Variants in VWA3B observed in about 807,000 individuals in gnomAD.
VWA3B encodes von Willebrand factor A domain-containing protein 3B.
VWA3B carries 138 observed loss-of-function variants against 158.3 expected under a neutral mutation model. The ratio of observed to expected loss-of-function variants is 0.87; its 90% CI spans 0.76 to 1.00. The LOEUF is 1.00. Ranked by LOEUF, VWA3B falls within the 50% of genes least tolerant of loss-of-function variation. The probability of loss-of-function intolerance (pLI) is 0.00; values close to 1 mark genes in which losing one functional copy is unlikely to be tolerated. For missense variants in VWA3B, 1,555 were observed against 1,565.1 expected (o/e 0.99, Z 0.11); for synonymous variants, 596 against 587.3 (o/e 1.01, Z -0.21).
intron 22 of VWA3B, among the ~76,000 whole-genome samples, chr2:98,273,570 C>T (rs1237767595): frequency 1.3e-5 from 2 of 152,202 alleles, no homozygotes; most frequent in Non-Finnish European, 2.9e-5. Context: ...TTACCTGCCT[C>T]TCCTTGAAAA....
At chr2:98,217,656 T>C (rs758393586) in intron 13 of VWA3B, among the ~76,000 whole-genome samples, 190 bp from the exon 14 acceptor site, 58 of 152,234 alleles carry the variant, frequency 3.8e-4, no homozygotes, top group Non-Finnish European at 7.3e-4. Flanking sequence ...TGTGGATCAT[T>C]GTACTCTCAC....
At chr2:98,100,166 A>G (rs1573755192) in intron 2 of VWA3B, among the ~76,000 whole-genome samples, 1 of 152,350 alleles carries the variant, frequency 6.6e-6, no homozygotes, top group Non-Finnish European at 1.5e-5. Flanking sequence ...TCTGCATTAA[A>G]GAAGCAGGTG....
chr2:98,265,969 G>A (rs1354957695), intron 21 of VWA3B, among the ~76,000 whole-genome samples: 43 of 125,188 alleles, frequency 3.4e-4, no homozygotes, highest in African/African-American at 6.8e-4. Context: ...AGTAGGTTGC[G>A]AAAATTTTCT....
chr2:98,109,228 G>T (rs1013633513), intron 2 of VWA3B, among the ~76,000 whole-genome samples: 1 of 152,098 alleles, frequency 6.6e-6, no homozygotes, highest in African/African-American at 2.4e-5. Context: ...CTGACCTCGG[G>T]TGATCTGACA....
At chr2:98,121,482 C>T (rs1674956912) in intron 5 of VWA3B, 24 bp downstream of exon 5, 2 of 1,605,430 alleles carry the variant, frequency 1.2e-6, no homozygotes, top group African/African-American at 2.7e-5. Context: ...CATGGCTGGC[C>T]CCAGGCCATG....
chr2:98,092,860 A>ATATATATATATATATATATG, intron 1 of VWA3B, among the ~76,000 whole-genome samples: 1 of 118,518 alleles, frequency 8.4e-6, no homozygotes, highest in Non-Finnish European at 1.8e-5. Context: ...ATATATATAT[A>ATATATATATATATATATATG]GTTGAATATT....
chr2:98,213,515 C>T lies in VWA3B; in HGVS notation c.1836+1487C>T, dbSNP rs1683715399. Among the ~76,000 whole-genome samples the T allele has an allele frequency of 3.3e-5, 5 of 152,140 alleles. No individual in the cohort carries two copies. The South Asian group carries it at 1.0e-3, about 32-fold the overall frequency. ...CGTGAGCCGCAGGAAGCAGCATCAA[C>T]AGGACCTCATGGCCAGTTTGGAAAC... is the stretch of plus-strand genomic sequence containing the variant. On this transcript the variant is annotated intron_variant, in intron 13 of 27. Transcript: ENST00000477737.
chr2:98,230,117 G>C lies in VWA3B; in HGVS notation c.2218G>C (p.Asp740His). 1 of 1,611,326 alleles carries C rather than the reference G, an allele frequency of 6.2e-7. No individual in the cohort carries two copies. The highest frequency in any genetic ancestry group is 8.5e-7 in the Non-Finnish European group (1 of 1,179,410). ...EKCAKPQSDVDSTQTSSLNML... is the reference protein window; with the variant it reads ...EKCAKPQSDVHSTQTSSLNML... ...GTGTGCAAAGCCTCAATCTGATGTC[G>C]ATTCAACACAAACTTCATCTCTGAA... is the stretch of plus-strand genomic sequence containing the variant. The change falls in exon 16 of 28, where the codon GAT becomes CAT. Residue 740 changes from aspartate to histidine, a missense_variant. Asp to His is a moderately conservative substitution (Grantham distance 81, BLOSUM62 -1). Transcript: ENST00000477737.
chr2:98,164,651 AT>A (rs1209258258), intron 8 of VWA3B, among the ~76,000 whole-genome samples: 2 of 152,224 alleles, frequency 1.3e-5, no homozygotes, highest in African/African-American at 4.8e-5. Context: ...TTACAAAAAA[AT>A]ATTAGCAGTG....
intron 19 of VWA3B, 24 bp downstream of exon 19, chr2:98,236,754 C>G: frequency 1.3e-6 from 2 of 1,575,914 alleles, no homozygotes; most frequent in Non-Finnish European, 1.7e-6. Context: ...CTATACGTCC[C>G]TACTTGAGGC....
chr2:98,120,054 A>C (rs1239844453), intron 4 of VWA3B, among the ~76,000 whole-genome samples: 2 of 152,334 alleles, frequency 1.3e-5, no homozygotes, highest in South Asian at 2.1e-4. Flanking sequence ...TATGGCAAAT[A>C]TATATTTAAG....
chr2:98,151,904 T>C (rs1379336521), intron 7 of VWA3B, among the ~76,000 whole-genome samples: 1 of 152,252 alleles, frequency 6.6e-6, no homozygotes. Context: ...GTTGTAGATA[T>C]TGGTTCTGGA....
chr2:98,236,290 C>A, intron 17 of VWA3B, 100 bp from the exon 18 acceptor site: 1 of 1,246,396 alleles, frequency 8.0e-7, no homozygotes. Context: ...CATTTATTAG[C>A]TCTCAGTCAC....
intron 22 of VWA3B, among the ~76,000 whole-genome samples, chr2:98,274,395 AC>A (rs1227110237): frequency 2.6e-5 from 4 of 152,096 alleles, no homozygotes; most frequent in African/African-American, 4.8e-5. Context: ...CAACAGAGGC[AC>A]CCCCAGAGAA....
intron 19 of VWA3B, among the ~76,000 whole-genome samples, chr2:98,236,980 A>G (rs1037338996): frequency 1.3e-5 from 2 of 152,244 alleles, no homozygotes; most frequent in African/African-American, 4.8e-5. Flanking sequence ...GTTTGAGACC[A>G]GCCTGGGCAA....
chr2:98,126,257 T>G (rs1573835816), intron 5 of VWA3B, among the ~76,000 whole-genome samples: 1 of 152,240 alleles, frequency 6.6e-6, no homozygotes, highest in East Asian at 1.9e-4. Flanking sequence ...CTTCAGGTTT[T>G]GGGATTAGTG....
intron 7 of VWA3B, among the ~76,000 whole-genome samples, chr2:98,146,040 C>T (rs1677152877): frequency 6.6e-6 from 1 of 151,938 alleles, no homozygotes; most frequent in African/African-American, 2.4e-5. Flanking sequence ...TAGCCCTTTC[C>T]TAATTTTTTT....
intron 9 of VWA3B, among the ~76,000 whole-genome samples, chr2:98,185,020 A>G (rs1158084268): frequency 6.6e-6 from 1 of 152,012 alleles, no homozygotes; most frequent in Non-Finnish European, 1.5e-5. Flanking sequence ...CCAATACCCC[A>G]ACCTCTCATT....
chr2:98,180,100 CTTTT>C (rs1193485201), intron 8 of VWA3B, among the ~76,000 whole-genome samples: 27 of 133,888 alleles, frequency 2.0e-4, no homozygotes, highest in Admixed American at 1.6e-3. Flanking sequence ...TTCTTTCTTT[CTTTT>C]CTTTCTTTCT....
Sources: allele counts gnomAD v4.1 joint callset (sites outside exome capture counted in the v4.1 genomes callset), GRCh38; gene constraint gnomAD v4.1.1; transcripts MANE v1.5; gene names NCBI Gene and HGNC (gene_info 2026-07-23, HGNC 2026-07-21).